The following IL7 variants were observed in gnomAD, a reference collection of about 807,000 sequenced individuals.
IL7 encodes interleukin-7.
In IL7, 3 loss-of-function variants were observed where a neutral mutation model predicts 21.6. The observed-to-expected ratio is 0.14, with a 90% CI of 0.06 to 0.36. IL7 has a LOEUF of 0.36. Ranked by LOEUF, IL7 falls within the 10% of genes least tolerant of loss-of-function variation. IL7 has a pLI of 1.00. For synonymous variants in IL7, 62 were observed against 68.1 expected, an observed-to-expected ratio of 0.91 and a Z score of 0.44; for missense variants, 175 against 200.2, an observed-to-expected ratio of 0.87 and a Z score of 0.76.
At chr8:78,751,986 T>C (rs1176968974) in intron 2 of IL7, among the ~76,000 whole-genome samples, 1 of 152,198 alleles carries the variant, frequency 6.6e-6, no homozygotes, top group African/African-American at 2.4e-5. Flanking sequence ...AACTCAATTA[T>C]GTTTTAGCTC....
At chr8:78,757,403 C>T (rs1812383600) in intron 2 of IL7, among the ~76,000 whole-genome samples, 1 of 151,958 alleles carries the variant, frequency 6.6e-6, no homozygotes, top group Non-Finnish European at 1.5e-5. Flanking sequence ...GCTAGGTCCA[C>T]TTGGTCTATA....
At chr8:78,702,418 T>C (rs895914667) in intron 3 of IL7, among the ~76,000 whole-genome samples, 2 of 152,188 alleles carry the variant, frequency 1.3e-5, no homozygotes, top group Non-Finnish European at 2.9e-5. Flanking sequence ...AAAAAGCAGC[T>C]CCTAGATTTG....
chr8:78,700,890 T>G (rs1318998017), intron 3 of IL7, among the ~76,000 whole-genome samples: 1 of 152,248 alleles, frequency 6.6e-6, no homozygotes, highest in African/African-American at 2.4e-5. Context: ...TTTTGATTAC[T>G]GTAGCCCTGT....
intron 1 of IL7, among the ~76,000 whole-genome samples, chr8:78,800,870 A>G (rs976466183): frequency 6.6e-5 from 10 of 152,204 alleles, no homozygotes; most frequent in Admixed American, 2.6e-4. Flanking sequence ...TACTTTTACC[A>G]TTATCATAAA....
chr8:78,774,913 A>T (rs1354485915), intron 2 of IL7, among the ~76,000 whole-genome samples: 2 of 152,250 alleles, frequency 1.3e-5, no homozygotes, highest in East Asian at 1.9e-4. Flanking sequence ...AGCTCAACTT[A>T]AGAAAAATCA....
chr8:78,717,404 C>T, downstream of IL7: 3 of 1,613,416 alleles, frequency 1.9e-6, no homozygotes, highest in Non-Finnish European at 1.7e-6. Context: ...TGGAAACTTA[C>T]CAAAATTCTG....
chr8:78,736,613 T>A (rs1050963871), intron 4 of IL7, 86 bp from the exon 5 acceptor site: 24 of 737,936 alleles, frequency 3.3e-5, no homozygotes, highest in Non-Finnish European at 2.8e-5. Context: ...CATATTGCCT[T>A]CAGCTCATCT....
intron 2 of IL7, among the ~76,000 whole-genome samples, chr8:78,757,509 A>G (rs1185666563): frequency 6.6e-6 from 1 of 152,004 alleles, no homozygotes; most frequent in Non-Finnish European, 1.5e-5. Context: ...CTCTTACTGT[A>G]TTGGAGTCTA....
intron 3 of IL7, chr8:78,686,525 C>T (rs747490567): frequency 1.9e-6 from 3 of 1,553,262 alleles, no homozygotes; most frequent in Non-Finnish European, 2.6e-6. Flanking sequence ...TTCATTGCTA[C>T]CATAAGAGCA....
At chr8:78,708,373 G>T (rs754358506) in intron 3 of IL7, among the ~76,000 whole-genome samples, 1 of 151,958 alleles carries the variant, frequency 6.6e-6, no homozygotes, top group Non-Finnish European at 1.5e-5. Flanking sequence ...TTGGTTGTTT[G>T]CTTCTAGACA....
downstream of IL7, among the ~76,000 whole-genome samples, chr8:78,729,426 G>A (rs1396546115): frequency 6.6e-6 from 1 of 151,984 alleles, no homozygotes. Context: ...TGGAGCTTCA[G>A]TAAACCCCTA....
intron 2 of IL7, among the ~76,000 whole-genome samples, chr8:78,790,267 A>C (rs1260214134): frequency 6.6e-6 from 1 of 152,160 alleles, no homozygotes. Context: ...TGCTGTGGTG[A>C]CTAAGAGTTA....
intron 5 of IL7, among the ~76,000 whole-genome samples, chr8:78,735,094 G>C (rs1195109899): frequency 6.6e-6 from 1 of 151,356 alleles, no homozygotes; most frequent in Non-Finnish European, 1.5e-5. Context: ...TTCAATAGGG[G>C]GTCCTGGACA....
At chr8:78,761,605 C>A in intron 2 of IL7, 6 of 1,611,974 alleles carry the variant, frequency 3.7e-6, no homozygotes, top group Non-Finnish European at 5.1e-6. Context: ...CAGGTAGGTG[C>A]TCTTCCCCTG....
downstream of IL7, among the ~76,000 whole-genome samples, chr8:78,715,884 A>G (rs1215744945): frequency 6.6e-6 from 1 of 151,642 alleles, no homozygotes; most frequent in African/African-American, 2.4e-5. Context: ...TACTAAAAGT[A>G]GAAAAATTAG....
chr8:78,728,485 C>G (rs1218000721), downstream of IL7, among the ~76,000 whole-genome samples: 1 of 151,910 alleles, frequency 6.6e-6, no homozygotes, highest in African/African-American at 2.4e-5. Context: ...TATAGTCTAC[C>G]AAAATTTACA....
rs753752382 is a variant in IL7, at chr8:78,798,065, C to G, written c.147+7G>C. 1.9e-6 allele frequency: 3 copies of G among 1,590,656 alleles called. No individual in the cohort carries two copies. In the South Asian group the frequency reaches 3.5e-5, roughly 18 times the overall value. On this transcript the variant is annotated splice_region_variant and intron_variant, in intron 2 of 5. Transcript: ENST00000263851. ...GAAAATGTGAGTAAAACAAAATAAT[C>G]ACATACCAATAATTGATCGATGCTG... is the stretch of plus-strand genomic sequence containing the variant.
At chr8:78,711,571 T>C (rs1810951220) in intron 3 of IL7, among the ~76,000 whole-genome samples, 1 of 152,210 alleles carries the variant, frequency 6.6e-6, no homozygotes, top group South Asian at 2.1e-4. Flanking sequence ...TTTTGGAATT[T>C]TAAAAAGCAC....
At chr8:78,742,448 A>T (rs1425295253) in intron 2 of IL7, among the ~76,000 whole-genome samples, 2 of 152,224 alleles carry the variant, frequency 1.3e-5, no homozygotes, top group African/African-American at 2.4e-5. Flanking sequence ...CAGGATTATA[A>T]GACTGAACTG....
Sources: allele counts gnomAD v4.1 joint callset (sites outside exome capture counted in the v4.1 genomes callset), GRCh38; gene constraint gnomAD v4.1.1; transcripts MANE v1.5; gene names NCBI Gene and HGNC (gene_info 2026-07-23, HGNC 2026-07-21).